The following RERG variants were observed in gnomAD, a reference collection of about 807,000 sequenced individuals.
The protein encoded by RERG is RAS like estrogen regulated growth inhibitor, also known as ras-related and estrogen-regulated growth inhibitor.
Under a neutral mutation model 23.2 loss-of-function variants are expected in RERG, and 25 were observed. The ratio of observed to expected loss-of-function variants is 1.08; its 90% confidence interval spans 0.79 to 1.50. The LOEUF (loss-of-function observed/expected upper bound fraction) is 1.50. RERG is among the 40% of genes most tolerant of loss of function. The pLI is 0.00. For missense variants in RERG, 253 were observed against 250.1 expected, an observed-to-expected ratio of 1.01 and a Z score of -0.08; for synonymous variants, 81 against 89.1, an observed-to-expected ratio of 0.91 and a Z score of 0.51.
intron 2 of RERG, among the ~76,000 whole-genome samples, chr12:15,140,880 G>A (rs959622322): frequency 3.3e-5 from 5 of 151,946 alleles, no homozygotes; most frequent in Non-Finnish European, 5.9e-5. Context: ...CTATGTGTAC[G>A]TGTAGCTTTT....
intron 2 of RERG, chr12:15,155,350 G>A (rs1864506464): frequency 6.6e-6 from 1 of 152,190 alleles, no homozygotes; most frequent in Non-Finnish European, 1.5e-5. Flanking sequence ...TTTCCGCAAA[G>A]CAAATACATA....
At chr12:15,215,708 A>T (rs1462766855) in intron 2 of RERG, among the ~76,000 whole-genome samples, 1 of 152,152 alleles carries the variant, frequency 6.6e-6, no homozygotes, top group South Asian at 2.1e-4. Context: ...GAAGCAGTGG[A>T]CGAAGACATG....
In RERG at chr12:15,116,820, T is replaced by C. The variant is rs1591633298; in HGVS notation, c.118+4243A>G. 2.0e-5 allele frequency among the ~76,000 whole-genome samples: 3 copies of C among 152,314 alleles called. 1 individual carries two copies. The South Asian group carries it at 6.2e-4, about 32-fold the overall frequency. On this transcript the variant is annotated intron_variant, in intron 3 of 4. Coordinates refer to ENST00000256953, the MANE Select transcript of RERG (RefSeq NM_032918.3). ...CTTAATACATAAAAGAAAATGTGTA[T>C]GTGTTTGTTTGGTGGATTTGCTTTT...
intron 2 of RERG, among the ~76,000 whole-genome samples, chr12:15,129,104 G>A (rs1863998341): frequency 6.6e-6 from 1 of 152,164 alleles, no homozygotes. Flanking sequence ...AGCCACATGG[G>A]GACCATGACA....
intron 2 of RERG, among the ~76,000 whole-genome samples, chr12:15,178,917 G>T (rs531228680): frequency 1.8e-4 from 27 of 152,312 alleles, no homozygotes; most frequent in African/African-American, 5.8e-4. Flanking sequence ...TGTAGGAAGT[G>T]AGCATTTAAA....
At chr12:15,185,654 T>C (rs1864980914) in intron 2 of RERG, among the ~76,000 whole-genome samples, 1 of 152,014 alleles carries the variant, frequency 6.6e-6, no homozygotes, top group South Asian at 2.1e-4. Flanking sequence ...ATTATCAGGT[T>C]ATGGCCCTAG....
intron 2 of RERG, 86 bp downstream of exon 2, chr12:15,217,343 C>G: frequency 1.2e-6 from 1 of 865,182 alleles, no homozygotes; most frequent in Non-Finnish European, 2.0e-6. Context: ...ATACCAACTA[C>G]TCACCTGCCC....
At chr12:15,179,217 C>T (rs1351114144) in intron 2 of RERG, among the ~76,000 whole-genome samples, 2 of 152,156 alleles carry the variant, frequency 1.3e-5, no homozygotes, top group African/African-American at 2.4e-5. Context: ...CTAAATCTCT[C>T]TATTGTCTTT....
chr12:15,175,123 G>C (rs896827529), intron 2 of RERG, among the ~76,000 whole-genome samples: 1 of 150,544 alleles, frequency 6.6e-6, no homozygotes, highest in African/African-American at 2.4e-5. Flanking sequence ...AAGGTGTGTG[G>C]GTGTGTGTGA....
chr12:15,135,340 G>A (rs1467268808), intron 2 of RERG, among the ~76,000 whole-genome samples: 5 of 152,000 alleles, frequency 3.3e-5, no homozygotes, highest in African/African-American at 7.2e-5. Context: ...CTACATAGAC[G>A]ATCACATAAT....
intron 2 of RERG, among the ~76,000 whole-genome samples, chr12:15,170,227 C>G (rs1311142211): frequency 6.6e-6 from 1 of 151,394 alleles, no homozygotes; most frequent in Non-Finnish European, 1.5e-5. Context: ...AAGAGCGAAC[C>G]CAAATGTTAA....
intron 2 of RERG, among the ~76,000 whole-genome samples, chr12:15,192,709 T>G (rs553710445): frequency 6.6e-6 from 1 of 152,290 alleles, no homozygotes; most frequent in African/African-American, 2.4e-5. Flanking sequence ...CACACTGTAT[T>G]TACTTGTCAT....
intron 2 of RERG, among the ~76,000 whole-genome samples, chr12:15,185,557 A>G (rs1474824710): frequency 6.6e-6 from 1 of 152,112 alleles, no homozygotes; most frequent in Admixed American, 6.6e-5. Context: ...TAATTGCGTC[A>G]TTTTTTAGCA....
At chr12:15,186,415 C>A (rs1015477221) in intron 2 of RERG, among the ~76,000 whole-genome samples, 2 of 151,756 alleles carry the variant, frequency 1.3e-5, no homozygotes, top group African/African-American at 4.8e-5. Flanking sequence ...ACATTTAATT[C>A]TAATGTTTTA....
chr12:15,210,716 C>A (rs1442734985), intron 2 of RERG, among the ~76,000 whole-genome samples: 1 of 152,086 alleles, frequency 6.6e-6, no homozygotes, highest in Non-Finnish European at 1.5e-5. Context: ...TAGGCATATA[C>A]CTGCAATTTG....
Position 15,109,425 on chromosome 12 carries a change from C to T in RERG, c.285G>A (p.Val95=), listed in dbSNP as rs11056357. The T allele has an allele frequency of 5.7e-3, 9,201 of 1,614,044 alleles. 54 individuals carry two copies. Among genetic ancestry groups the T allele is most frequent in the Admixed American group, 6.9e-3 (413 of 60,004 alleles). Residue 95 remains valine (V), a synonymous_variant, in exon 5 of 5, where the codon GTG becomes GTA. Transcript: ENST00000256953. ...CATCTAGGATGTTCTTAAGTGGCAG[C>T]ACTTCCTCAAAACTTCCTCGGTCAG... ...DITDRGSFEE[V]LPLKNILDEI... is the part of the protein sequence containing the mutation.
At chr12:15,215,848 G>A (rs559179746) in intron 2 of RERG, among the ~76,000 whole-genome samples, 38 of 152,276 alleles carry the variant, frequency 2.5e-4, no homozygotes, top group Non-Finnish European at 5.4e-4. Context: ...AGCTTGCTCC[G>A]AGATCATGAA....
chr12:15,205,698 C>A (rs767556459), intron 2 of RERG, among the ~76,000 whole-genome samples: 1 of 151,968 alleles, frequency 6.6e-6, no homozygotes, highest in East Asian at 1.9e-4. Flanking sequence ...TTTTTGACTT[C>A]ACCTCTTAAA....
chr12:15,117,460 G>C (rs1477923749), intron 3 of RERG, among the ~76,000 whole-genome samples: 1 of 152,110 alleles, frequency 6.6e-6, no homozygotes, highest in Non-Finnish European at 1.5e-5. Flanking sequence ...ATTTTCGTAT[G>C]AACGATTCCA....
Sources: gnomAD v4.1 joint callset for allele counts (sites outside exome capture counted in the v4.1 genomes callset) on GRCh38, gnomAD v4.1.1 for gene constraint, MANE v1.5 for transcripts, NCBI Gene and HGNC (gene_info 2026-07-23, HGNC 2026-07-21) for gene names.